The following CTNNA3 variants were observed in gnomAD, a reference collection of about 807,000 sequenced individuals.
CTNNA3 encodes the protein catenin alpha 3.
A neutral mutation model predicts 95.7 loss-of-function variants in CTNNA3; 76 were observed. The observed-to-expected ratio is 0.79, with a 90% CI of 0.66 to 0.96. CTNNA3 has a LOEUF of 0.96. Ranked by LOEUF, CTNNA3 falls within the 40% of genes least tolerant of loss-of-function variation. CTNNA3 has a pLI of 0.00. For missense variants in CTNNA3, 1,191 were observed against 1,089.8 expected, an observed-to-expected ratio of 1.09 and a Z score of -1.31; for synonymous variants, 431 against 374.4, an observed-to-expected ratio of 1.15 and a Z score of -1.74.
chr10:67,559,813 C>G (rs1187586466), intron 3 of CTNNA3, among the ~76,000 whole-genome samples: 1 of 152,018 alleles, frequency 6.6e-6, no homozygotes, highest in Non-Finnish European at 1.5e-5. Flanking sequence ...GAGCTGAAAA[C>G]CAAGGTTCGA....
chr10:66,459,494 T>C (rs1029453528), intron 11 of CTNNA3, among the ~76,000 whole-genome samples: 2 of 152,186 alleles, frequency 1.3e-5, no homozygotes, highest in Non-Finnish European at 2.9e-5. Context: ...CCACTGGCAA[T>C]ACCCAAGGGT....
At chr10:66,292,009 G>GAT (rs998006984) in intron 12 of CTNNA3, among the ~76,000 whole-genome samples, 5 of 150,754 alleles carry the variant, frequency 3.3e-5, no homozygotes, top group African/African-American at 9.7e-5. Flanking sequence ...AACACATACA[G>GAT]ATATATATAC....
intron 7 of CTNNA3, among the ~76,000 whole-genome samples, chr10:66,952,539 A>ATG (rs138390909): frequency 1.2e-4 from 18 of 151,732 alleles, no homozygotes; most frequent in Admixed American, 1.3e-4. Context: ...GTGTGTATTT[A>ATG]TGTGTGTGTG....
chr10:66,724,950 C>A (rs1848735793), intron 9 of CTNNA3, among the ~76,000 whole-genome samples: 1 of 151,950 alleles, frequency 6.6e-6, no homozygotes, highest in African/African-American at 2.4e-5. Context: ...TTCCAGGACC[C>A]CCATGGACAC....
chr10:67,070,249 T>C (rs1856365989), intron 7 of CTNNA3, among the ~76,000 whole-genome samples: 1 of 152,184 alleles, frequency 6.6e-6, no homozygotes, highest in Admixed American at 6.5e-5. Flanking sequence ...TTGGATTGTC[T>C]TTTGTCTTTA....
chr10:66,065,807 A>C (rs888909988), intron 15 of CTNNA3, among the ~76,000 whole-genome samples: 1 of 152,126 alleles, frequency 6.6e-6, no homozygotes, highest in African/African-American at 2.4e-5. Flanking sequence ...TTTTATGGTG[A>C]GAAAGCTTAA....
chr10:67,324,701 CTTT>C (rs77397580), intron 5 of CTNNA3, among the ~76,000 whole-genome samples: 3 of 141,954 alleles, frequency 2.1e-5, no homozygotes, highest in Admixed American at 7.1e-5. Flanking sequence ...AAATTTTCTC[CTTT>C]TTTTTTTTTT....
chr10:67,648,915 T>A, intron 1 of CTNNA3: 1 of 723,970 alleles, frequency 1.4e-6, no homozygotes, highest in Non-Finnish European at 2.0e-6. Flanking sequence ...TTAGTTTGGT[T>A]TGGTTTTGAT....
At chr10:66,754,577 G>T (rs189559744) in intron 9 of CTNNA3, among the ~76,000 whole-genome samples, 12 of 152,124 alleles carry the variant, frequency 7.9e-5, no homozygotes, top group Admixed American at 7.2e-4. Context: ...AGGGAAAAGA[G>T]AACCCACAGC....
At position 66,367,880 on chromosome 10, in the gene CTNNA3, AATTATTATTATTATTATTATT is replaced by A. The variant is rs200238646; in HGVS notation, c.1732+11251_1732+11271del. ...TAATAATAATAATAATAATAATAAT[AATTATTATTATTATTATTATT>A]ATTATTATTATTATTATTATTATTA... On this transcript the variant is annotated intron_variant, in intron 12 of 17. Transcript: ENST00000433211. Among the ~76,000 whole-genome samples the A allele has an allele frequency of 1.4e-3, 68 of 47,152 alleles. No individual in the cohort carries two copies. In the East Asian group the frequency reaches 0.046, roughly 32 times the overall value. The allele number at this position is 47,152 out of a possible 152,430, so 30.9% of individuals were successfully genotyped here. A position where few individuals can be genotyped will look rare whatever the true frequency, so the allele number is the denominator to read the frequency against.
intron 9 of CTNNA3, among the ~76,000 whole-genome samples, chr10:66,687,720 C>T (rs867022521): frequency 3.0e-5 from 3 of 100,740 alleles, no homozygotes; most frequent in African/African-American, 5.3e-5. Flanking sequence ...TATATATATA[C>T]ACACACACAC....
At position 66,564,653 on chromosome 10, in the gene CTNNA3, T is replaced by C. The variant is rs574327977; in HGVS notation, c.1375-43880A>G. 5.9e-5 allele frequency among the ~76,000 whole-genome samples: 9 copies of C among 152,288 alleles called. No individual in the cohort carries two copies. The East Asian group carries it at 1.7e-3, about 29-fold the overall frequency. Reference sequence around the variant, plus strand: ...GACTTGAAAAGCACGGACTCTTTCATTCTCAGTAACCTACTTATGCTATCA... The same window carrying C: ...GACTTGAAAAGCACGGACTCTTTCACTCTCAGTAACCTACTTATGCTATCA... On this transcript the variant is annotated intron_variant, in intron 10 of 17. Transcript: ENST00000433211.
intron 17 of CTNNA3, among the ~76,000 whole-genome samples, chr10:65,938,178 C>G (rs2077372310): frequency 6.6e-6 from 1 of 152,104 alleles, no homozygotes; most frequent in African/African-American, 2.4e-5. Flanking sequence ...GAATTGCCCT[C>G]AGAATTAGGT....
At chr10:66,996,594 G>A (rs1851356141) in intron 7 of CTNNA3, among the ~76,000 whole-genome samples, 1 of 130,434 alleles carries the variant, frequency 7.7e-6, no homozygotes, top group Non-Finnish European at 1.5e-5. Flanking sequence ...GTTGCAGTGG[G>A]TCAAGATCGC....
chr10:66,219,766 A>C (rs1037747969), intron 13 of CTNNA3, among the ~76,000 whole-genome samples: 1 of 152,162 alleles, frequency 6.6e-6, no homozygotes, highest in African/African-American at 2.4e-5. Flanking sequence ...CCTATTTTCA[A>C]GCCACTATGA....
chr10:65,947,709 G>A (rs1054729585), intron 17 of CTNNA3, among the ~76,000 whole-genome samples: 1 of 152,224 alleles, frequency 6.6e-6, no homozygotes, highest in African/African-American at 2.4e-5. Context: ...CTTTTGTTGT[G>A]TTGAGTCACT....
chr10:67,011,900 C>T (rs1456545889), intron 7 of CTNNA3, among the ~76,000 whole-genome samples: 4 of 152,110 alleles, frequency 2.6e-5, no homozygotes, highest in Non-Finnish European at 5.9e-5. Context: ...CAGAACCTGG[C>T]TTCATAAACA....
At chr10:67,640,800 A>C (rs896243576) in intron 2 of CTNNA3, among the ~76,000 whole-genome samples, 2 of 152,224 alleles carry the variant, frequency 1.3e-5, no homozygotes, top group Non-Finnish European at 2.9e-5. Flanking sequence ...CTGGCTAGCC[A>C]TATATAGAAA....
intron 5 of CTNNA3, among the ~76,000 whole-genome samples, chr10:67,227,141 G>A (rs1371421930): frequency 2.0e-5 from 3 of 150,798 alleles, no homozygotes; most frequent in Non-Finnish European, 4.4e-5. Context: ...GCCCAGGATG[G>A]AGTGCAATGG....
Sources: allele counts gnomAD v4.1 joint callset (sites outside exome capture counted in the v4.1 genomes callset), GRCh38; gene constraint gnomAD v4.1.1; transcripts MANE v1.5; gene names NCBI Gene and HGNC (gene_info 2026-07-23, HGNC 2026-07-21).